SAMD3: variants seen among roughly 807,000 people sequenced by gnomAD.
SAMD3 encodes the protein sterile alpha motif domain-containing protein 3.
SAMD3 carries 63 observed loss-of-function variants against 58.5 expected under a neutral mutation model. The ratio of observed to expected loss-of-function variants is 1.08; its 90% confidence interval spans 0.88 to 1.33. The LOEUF (loss-of-function observed/expected upper bound fraction) is 1.33. Ranked by LOEUF, SAMD3 falls within the 40% of genes most tolerant of loss-of-function variation. SAMD3 has a pLI of 0.00. For missense variants in SAMD3, 604 were observed against 608.4 expected, an observed-to-expected ratio of 0.99 and a Z score of 0.08; for synonymous variants, 220 against 210.3, an observed-to-expected ratio of 1.05 and a Z score of -0.40.
intron 2 of SAMD3, among the ~76,000 whole-genome samples, chr6:130,310,090 G>A (rs890868102): frequency 4.6e-5 from 7 of 152,068 alleles, no homozygotes; most frequent in African/African-American, 1.2e-4. Context: ...AAGAAGAATC[G>A]TGTACACTCA....
At chr6:130,231,211 G>T (rs78359495) in intron 2 of SAMD3, among the ~76,000 whole-genome samples, 2,178 of 151,874 alleles carry the variant, frequency 0.014, 30 homozygotes, top group Non-Finnish European at 0.022. Context: ...TATTTATTTC[G>T]TACTTCTGTC....
intron 1 of SAMD3, among the ~76,000 whole-genome samples, chr6:130,358,812 C>T (rs1214671190): frequency 6.6e-6 from 1 of 152,094 alleles, no homozygotes; most frequent in African/African-American, 2.4e-5. Context: ...GTTATTTTCT[C>T]ACTAACAATG....
intron 2 of SAMD3, among the ~76,000 whole-genome samples, chr6:130,257,513 C>T (rs1344060715): frequency 6.6e-6 from 1 of 152,030 alleles, no homozygotes; most frequent in Non-Finnish European, 1.5e-5. Flanking sequence ...TATAAGAAAA[C>T]CCATAAGTCA....
intron 2 of SAMD3, among the ~76,000 whole-genome samples, chr6:130,268,423 T>A (rs1774438009): frequency 2.0e-5 from 3 of 152,104 alleles, no homozygotes; most frequent in Admixed American, 2.0e-4. Context: ...AAAAATAATT[T>A]TAGTGTAGCC....
chr6:130,194,927 A>G (rs1263709266), intron 5 of SAMD3, among the ~76,000 whole-genome samples: 1 of 152,016 alleles, frequency 6.6e-6, no homozygotes, highest in Non-Finnish European at 1.5e-5. Flanking sequence ...GAGGCTACCC[A>G]CTGCACATTA....
chr6:130,157,319 T>C (rs1327096422), intron 8 of SAMD3, among the ~76,000 whole-genome samples: 1 of 146,998 alleles, frequency 6.8e-6, no homozygotes, highest in Non-Finnish European at 1.5e-5. Context: ...TATAAAGTTA[T>C]ATACCAAAAA....
At chr6:130,153,547 A>C (rs1242205887) in intron 9 of SAMD3, among the ~76,000 whole-genome samples, 1 of 151,266 alleles carries the variant, frequency 6.6e-6, no homozygotes, top group Non-Finnish European at 1.5e-5. Flanking sequence ...TTCATTATAT[A>C]CCACCACCAA....
chr6:130,153,661 T>C (rs1012669796), intron 9 of SAMD3, among the ~76,000 whole-genome samples: 6 of 100,258 alleles, frequency 6.0e-5, no homozygotes, highest in African/African-American at 2.0e-4. Flanking sequence ...TATATATATA[T>C]ATATTTATTT....
intron 2 of SAMD3, among the ~76,000 whole-genome samples, chr6:130,243,911 G>A (rs1003639194): frequency 1.3e-5 from 2 of 152,146 alleles, no homozygotes; most frequent in Admixed American, 6.6e-5. Context: ...ACAGTCTCAT[G>A]AATATATATG....
intron 2 of SAMD3, among the ~76,000 whole-genome samples, chr6:130,237,334 C>T (rs1023830704): frequency 6.6e-5 from 10 of 152,130 alleles, no homozygotes; most frequent in Non-Finnish European, 1.3e-4. Flanking sequence ...CTCTATTATG[C>T]TCACATAATC....
At chr6:130,262,063 G>GAA (rs59218287) in intron 2 of SAMD3, among the ~76,000 whole-genome samples, 16,696 of 147,932 alleles carry the variant, frequency 0.11, 2,286 homozygotes, top group African/African-American at 0.33. Flanking sequence ...AAGTAGTTAA[G>GAA]AAAAAAAAAA....
chr6:130,363,790 A>G (rs1162881522), intron 1 of SAMD3, among the ~76,000 whole-genome samples: 1 of 152,208 alleles, frequency 6.6e-6, no homozygotes, highest in African/African-American at 2.4e-5. Flanking sequence ...TACATATCTC[A>G]TATAGACACA....
At chr6:130,257,407 G>C (rs1416804113) in intron 2 of SAMD3, among the ~76,000 whole-genome samples, 1 of 152,138 alleles carries the variant, frequency 6.6e-6, no homozygotes, top group African/African-American at 2.4e-5. Flanking sequence ...CCTGATTTAA[G>C]GCATTTTAGT....
At chr6:130,220,916 C>G (rs974531741) in intron 1 of SAMD3, among the ~76,000 whole-genome samples, 22 of 152,036 alleles carry the variant, frequency 1.4e-4, no homozygotes, top group Admixed American at 4.6e-4. Context: ...TGCAGTGGCA[C>G]GATCTCGGCT....
Position 130,184,459 on chromosome 6 carries a change from G to C in SAMD3, c.548C>G (p.Thr183Ser), listed in dbSNP as rs1421390690. 1 of 1,614,042 alleles carries C rather than the reference G, an allele frequency of 6.2e-7. No individual in the cohort carries two copies. Among genetic ancestry groups the C allele is most frequent in the Admixed American group, 1.7e-5 (1 of 59,994 alleles). The change falls in exon 6 of 12, where the codon ACT (threonine) becomes AGT (serine). Residue 183 changes from threonine to serine, a missense_variant. By Grantham distance (58) the Thr-to-Ser change is moderately conservative. Transcript: ENST00000439090. Reference protein sequence around the residue: ...RIIEFLQADMTKYLEGSLYPS... With the variant: ...RIIEFLQADMSKYLEGSLYPS... ...TCACAGTGAGCCTTCCAGATACTTA[G>C]TCATGTCGGCCTGGAGAAACTCAAT...
chr6:130,290,209 CG>C (rs1328688532), intron 2 of SAMD3, among the ~76,000 whole-genome samples: 3 of 151,928 alleles, frequency 2.0e-5, no homozygotes, highest in African/African-American at 7.3e-5. Flanking sequence ...GGAATTGGTT[CG>C]TGTGATTATG....
At chr6:130,263,893 C>T (rs552972054) in intron 2 of SAMD3, among the ~76,000 whole-genome samples, 70 of 152,248 alleles carry the variant, frequency 4.6e-4, no homozygotes, top group African/African-American at 1.7e-3. Context: ...GTTGGTCCAA[C>T]ATTCTGTGGA....
intron 2 of SAMD3, among the ~76,000 whole-genome samples, chr6:130,248,186 G>A (rs1773619761): frequency 3.8e-5 from 4 of 105,476 alleles, no homozygotes; most frequent in South Asian, 3.7e-4. Context: ...TTGCGTGTGT[G>A]TGTGTGTGTG....
intron 2 of SAMD3, chr6:130,312,876 A>T (rs769875339): frequency 7.2e-5 from 11 of 152,190 alleles, no homozygotes; most frequent in Non-Finnish European, 1.3e-4. Context: ...TTGGTGATTT[A>T]TCTGGCTGGT....
Sources: allele counts gnomAD v4.1 joint callset (sites outside exome capture counted in the v4.1 genomes callset), GRCh38; gene constraint gnomAD v4.1.1; transcripts MANE v1.5; gene names NCBI Gene and HGNC (gene_info 2026-07-23, HGNC 2026-07-21).